GRM1: variants seen among roughly 807,000 people sequenced by gnomAD.
GRM1 encodes the protein glutamate metabotropic receptor 1.
GRM1 carries 33 observed loss-of-function variants against 90.9 expected under a neutral mutation model. The ratio of observed to expected loss-of-function variants is 0.36; its 90% CI spans 0.28 to 0.49. GRM1 has a LOEUF of 0.49. Among genes scored for constraint, GRM1 ranks in the 20% least tolerant of loss-of-function variants. The pLI, the probability that GRM1 is intolerant of heterozygous loss-of-function variation, is 0.99. For missense variants in GRM1, 1,190 were observed against 1,534.3 expected, an observed-to-expected ratio of 0.78 and a Z score of 3.75; for synonymous variants, 700 against 613.2, an observed-to-expected ratio of 1.14 and a Z score of -2.09.
chr6:146,169,371 C>A (rs1412678567), intron 2 of GRM1, among the ~76,000 whole-genome samples: 1 of 152,110 alleles, frequency 6.6e-6, no homozygotes, highest in Non-Finnish European at 1.5e-5. Flanking sequence ...CCTTCTCTGT[C>A]TTGCCAGGCA....
At chr6:146,111,586 G>C (rs960493214) in intron 1 of GRM1, among the ~76,000 whole-genome samples, 1 of 152,214 alleles carries the variant, frequency 6.6e-6, no homozygotes, top group Non-Finnish European at 1.5e-5. Flanking sequence ...CCTGAAACTT[G>C]ACTGACGTGT....
chr6:146,198,826 A>G (rs1332063624), intron 2 of GRM1, among the ~76,000 whole-genome samples: 2 of 152,170 alleles, frequency 1.3e-5, no homozygotes, highest in Non-Finnish European at 2.9e-5. Context: ...CCTCCCAGGA[A>G]CCCAGCCAAT....
intron 1 of GRM1, among the ~76,000 whole-genome samples, chr6:146,152,453 T>C (rs1777374802): frequency 6.6e-6 from 1 of 151,932 alleles, no homozygotes; most frequent in African/African-American, 2.4e-5. Flanking sequence ...TTTTGTGTGC[T>C]TGTGTCATGC....
intron 5 of GRM1, among the ~76,000 whole-genome samples, chr6:146,369,775 C>T (rs948131332): frequency 1.6e-4 from 24 of 151,974 alleles, no homozygotes; most frequent in East Asian, 3.9e-4. Context: ...ATGTACTGCT[C>T]GTAAGAAGAA....
chr6:146,384,696 A>G (rs1384761474), intron 5 of GRM1, among the ~76,000 whole-genome samples: 1 of 152,082 alleles, frequency 6.6e-6, no homozygotes, highest in African/African-American at 2.4e-5. Context: ...CAGAAATTAC[A>G]TTGATGTTAA....
intron 1 of GRM1, among the ~76,000 whole-genome samples, chr6:146,130,774 T>C (rs745484063): frequency 6.6e-6 from 1 of 152,172 alleles, no homozygotes; most frequent in East Asian, 1.9e-4. Flanking sequence ...GGCTGTGACA[T>C]TGTAGTGCAA....
intron 1 of GRM1, among the ~76,000 whole-genome samples, chr6:146,047,274 C>T (rs1791366245): frequency 6.7e-6 from 1 of 148,724 alleles, no homozygotes; most frequent in South Asian, 2.2e-4. Flanking sequence ...ATTTCCTGCC[C>T]ACTCATTTTT....
chr6:146,136,223 A>G (rs1254163012), intron 1 of GRM1, among the ~76,000 whole-genome samples: 1 of 152,192 alleles, frequency 6.6e-6, no homozygotes, highest in Non-Finnish European at 1.5e-5. Context: ...GTCATGGTAA[A>G]TAGTACTGAA....
rs1554281930 is a variant in GRM1, at chr6:146,213,729, T to TAGATAGAGAGATAGAG, written c.950+54139_950+54140insGAGATAGAGAGATAGA. Among the ~76,000 whole-genome samples the TAGATAGAGAGATAGAG allele has an allele frequency of 2.6e-3, 388 of 151,916 alleles. 2 individuals are homozygous for TAGATAGAGAGATAGAG. Among genetic ancestry groups the TAGATAGAGAGATAGAG allele is most frequent in the African/African-American group, 8.1e-3 (334 of 41,428 alleles). ...ATAGATAGATAGATAGATAGATAGA[T>TAGATAGAGAGATAGAG]AGATAGATGGATGAAAGGAGATTTA... is the stretch of plus-strand genomic sequence containing the variant. On this transcript the variant is annotated intron_variant, in intron 2 of 7. Transcript: ENST00000282753.
chr6:146,183,886 C>T (rs1266363855), intron 2 of GRM1, among the ~76,000 whole-genome samples: 1 of 152,066 alleles, frequency 6.6e-6, no homozygotes, highest in African/African-American at 2.4e-5. Flanking sequence ...TGTGCAGTTT[C>T]TGTAAAGATA....
intron 1 of GRM1, among the ~76,000 whole-genome samples, chr6:146,073,697 C>T (rs181501239): frequency 6.6e-6 from 1 of 151,964 alleles, no homozygotes; most frequent in Non-Finnish European, 1.5e-5. Context: ...AAAAACTTTA[C>T]AAGTATTATA....
intron 1 of GRM1, among the ~76,000 whole-genome samples, chr6:146,115,136 T>TA (rs1309219956): frequency 6.6e-6 from 1 of 152,040 alleles, no homozygotes; most frequent in Non-Finnish European, 1.5e-5. Context: ...TGACTTTAGG[T>TA]ATGTTATTTT....
At chr6:146,115,245 CACAT>C (rs932704057) in intron 1 of GRM1, among the ~76,000 whole-genome samples, 3 of 148,960 alleles carry the variant, frequency 2.0e-5, no homozygotes, top group African/African-American at 7.4e-5. Context: ...CACACACACA[CACAT>C]ATATATACAT....
upstream of GRM1, among the ~76,000 whole-genome samples, chr6:146,028,976 A>C (rs1169522184): frequency 1.3e-5 from 2 of 152,134 alleles, no homozygotes; most frequent in African/African-American, 4.8e-5. Flanking sequence ...GGAGCGGGCG[A>C]GTTGGCGGGG....
chr6:146,299,328 T>C (rs1446452360), intron 2 of GRM1, among the ~76,000 whole-genome samples: 1 of 152,206 alleles, frequency 6.6e-6, no homozygotes, highest in African/African-American at 2.4e-5. Flanking sequence ...CTGGTAATTT[T>C]TTATTGGATG....
chr6:146,244,264 A>G (rs914946411), intron 2 of GRM1, among the ~76,000 whole-genome samples: 2 of 152,206 alleles, frequency 1.3e-5, no homozygotes, highest in Non-Finnish European at 2.9e-5. Flanking sequence ...GAAGTGATAA[A>G]TGTCCATGAA....
At chr6:146,185,553 G>A (rs1778703619) in intron 2 of GRM1, among the ~76,000 whole-genome samples, 1 of 152,206 alleles carries the variant, frequency 6.6e-6, no homozygotes, top group Non-Finnish European at 1.5e-5. Context: ...GGCCTGGGCA[G>A]CTTTCCACAT....
chr6:146,144,872 G>C (rs1777029390), intron 1 of GRM1, among the ~76,000 whole-genome samples: 1 of 152,202 alleles, frequency 6.6e-6, no homozygotes, highest in South Asian at 2.1e-4. Flanking sequence ...TAGAAACATA[G>C]ATCGTAAAGG....
At chr6:146,190,087 A>G (rs767164971) in intron 2 of GRM1, among the ~76,000 whole-genome samples, 2 of 152,160 alleles carry the variant, frequency 1.3e-5, no homozygotes, top group Non-Finnish European at 2.9e-5. Context: ...CTTGGATTCA[A>G]TTGAAGAAAT....
Sources: gnomAD v4.1 joint callset for allele counts (sites outside exome capture counted in the v4.1 genomes callset) on GRCh38, gnomAD v4.1.1 for gene constraint, MANE v1.5 for transcripts, NCBI Gene and HGNC (gene_info 2026-07-23, HGNC 2026-07-21) for gene names.